Variants in PWP1 observed in about 807,000 individuals in gnomAD.
PWP1 encodes periodic tryptophan protein 1 homolog.
Under a neutral mutation model 69.9 loss-of-function variants are expected in PWP1, and 47 were observed. That is an observed-to-expected ratio of 0.67 (90% CI 0.53 to 0.86). PWP1 has a LOEUF of 0.86. PWP1 is among the 40% of genes least tolerant of loss of function. PWP1 has a pLI of 0.00. For missense variants in PWP1, 551 were observed against 608.8 expected (o/e 0.91, Z 1.00); for synonymous variants, 222 against 208.2 (o/e 1.07, Z -0.57).
chr12:107,693,493 A>G (rs1449140679), intron 5 of PWP1, among the ~76,000 whole-genome samples: 1 of 151,966 alleles, frequency 6.6e-6, no homozygotes, highest in East Asian at 1.9e-4. Flanking sequence ...GAGGTTTTTA[A>G]TCTTTTATTT....
chr12:107,710,350 G>C lies in PWP1; in HGVS notation c.1291-55G>C. The C allele has an allele frequency of 2.5e-6, 4 of 1,598,422 alleles. No individual in the cohort carries two copies. In the South Asian group the frequency reaches 4.5e-5, roughly 18 times the overall value. Reference sequence around the variant, plus strand: ...TCTTAGAGACAACAGTGAGGATCTAGATATTAGCGCTTTCTGAAGAGATTG... The same window carrying C: ...TCTTAGAGACAACAGTGAGGATCTACATATTAGCGCTTTCTGAAGAGATTG... On this transcript the variant is annotated intron_variant, in intron 13 of 14. Coordinates refer to ENST00000412830, the MANE Select transcript of PWP1 (RefSeq NM_007062.3).
rs576001495 is a variant in PWP1 at position 107,693,177 on chromosome 12, G to A, written c.502+81G>A. 2.9e-4 allele frequency: 431 copies of A among 1,502,318 alleles called. 2 individuals are homozygous for A. In the African/African-American group the frequency reaches 5.8e-3, roughly 20 times the overall value. 93.1% of individuals were successfully genotyped at this position (1,502,318 alleles called of 1,614,324 possible). A position where few individuals can be genotyped will look rare whatever the true frequency, so the allele number is the denominator to read the frequency against. On this transcript the variant is annotated intron_variant, in intron 5 of 14. Coordinates refer to ENST00000412830, the MANE Select transcript of PWP1 (RefSeq NM_007062.3). ...GAAATAGTTACCATTTCATTTTTAG[G>A]TGCCAGATCCTATTGTATCTCATTT...
intron 10 of PWP1, 47 bp from the exon 11 acceptor site, chr12:107,704,589 A>G: frequency 8.1e-7 from 1 of 1,240,426 alleles, no homozygotes; most frequent in Non-Finnish European, 1.2e-6. Context: ...TAAAACATAT[A>G]GGAGAATTGA....
Position 107,685,827 on chromosome 12 carries a change from T to G in PWP1, c.-73T>G. ...GGCCCTGTGCAGATCCCTGAGCGTG[T>G]GGCAGCAGTGCGGTCGTGGTCCCTC... On this transcript the variant is annotated 5_prime_UTR_variant, in exon 1 of 15. Transcript: ENST00000412830. The G allele has an allele frequency of 6.6e-7, 1 of 1,515,512 alleles. No homozygotes were observed. Among genetic ancestry groups the G allele is most frequent in the African/African-American group, 1.4e-5 (1 of 73,048 alleles). 93.9% of individuals were successfully genotyped at this position (1,515,512 alleles called of 1,614,324 possible). A position where few individuals can be genotyped will look rare whatever the true frequency, so the allele number is the denominator to read the frequency against.
intron 11 of PWP1, among the ~76,000 whole-genome samples, chr12:107,705,991 T>G (rs1889816052): frequency 6.6e-6 from 1 of 152,246 alleles, no homozygotes; most frequent in Admixed American, 6.5e-5. Flanking sequence ...TCCACAATGG[T>G]TGAACTAGTT....
At position 107,710,519 on chromosome 12, in the gene PWP1, T is replaced by G. The variant is rs1280335194; in HGVS notation, c.1396+9T>G. On this transcript the variant is annotated intron_variant, in intron 14 of 14. Transcript: ENST00000412830. Reference sequence around the variant, plus strand: ...AAGCACAGTCTCTTCAGGTAAGGATTTTTAGTTCTCTGCACACCTCCCCCT... The same window carrying G: ...AAGCACAGTCTCTTCAGGTAAGGATGTTTAGTTCTCTGCACACCTCCCCCT... 4 of 1,610,234 alleles carry G rather than the reference T, an allele frequency of 2.5e-6. No individual in the cohort carries two copies. The highest frequency in any genetic ancestry group is 3.4e-6 in the Non-Finnish European group (4 of 1,178,544).
Position 107,699,525 on chromosome 12 carries a change from G to A in PWP1, c.806+91G>A, listed in dbSNP as rs1446163206. On this transcript the variant is annotated intron_variant, in intron 8 of 14. Transcript: ENST00000412830. ...ACACTCATCTCTTTATTTGTGCTGT[G>A]GACCTTTGTGTCTATCTTCCTTTCT... 2.9e-6 allele frequency: 3 copies of A among 1,044,986 alleles called. No individual in the cohort carries two copies. The Admixed American group carries it at 6.4e-5, about 22-fold the overall frequency. The allele number at this position is 1,044,986 out of a possible 1,614,324, so 64.7% of individuals were successfully genotyped here.
At position 107,712,290 on chromosome 12, in the gene PWP1, C is replaced by T. The variant is rs969221432; in HGVS notation, c.*70C>T. 8 of 1,173,172 alleles carry T rather than the reference C, an allele frequency of 6.8e-6. No individual in the cohort carries two copies. Among genetic ancestry groups the T allele is most frequent in the Middle Eastern group, 1.9e-4 (1 of 5,184 alleles). 72.7% of individuals were successfully genotyped at this position (1,173,172 alleles called of 1,614,324 possible). A position where few individuals can be genotyped will look rare whatever the true frequency, so the allele number is the denominator to read the frequency against. ...AAAGTTGGCCTAAAAATGTTCCATG[C>T]GTGGCAGCAACCATGCAGAGTGACT... On this transcript the variant is annotated 3_prime_UTR_variant, in exon 15 of 15. Transcript: ENST00000412830.
intron 7 of PWP1, among the ~76,000 whole-genome samples, chr12:107,698,749 T>C (rs915178046): frequency 6.6e-6 from 1 of 152,116 alleles, no homozygotes; most frequent in Non-Finnish European, 1.5e-5. Context: ...TATGCTGCCA[T>C]GCCTGGCTAA....
chr12:107,698,499 A>C (rs549963855), intron 7 of PWP1, among the ~76,000 whole-genome samples: 11 of 152,132 alleles, frequency 7.2e-5, no homozygotes, highest in African/African-American at 2.6e-4. Context: ...CTGCACTCCA[A>C]CCTGGGTGAC....
chr12:107,701,991 C>A (rs1347615023), intron 8 of PWP1, among the ~76,000 whole-genome samples: 4 of 152,006 alleles, frequency 2.6e-5, no homozygotes, highest in African/African-American at 4.8e-5. Context: ...TTTGTTAAGA[C>A]TTTTTTCCCC....
At chr12:107,700,422 A>C (rs1223534375) in intron 8 of PWP1, among the ~76,000 whole-genome samples, 1 of 152,212 alleles carries the variant, frequency 6.6e-6, no homozygotes, top group Admixed American at 6.5e-5. Flanking sequence ...TCTCATATGA[A>C]TGGAATCATA....
Position 107,704,651 on chromosome 12 carries a change from T to C in PWP1, c.981T>C (p.Tyr327=). ...ATGTGTCTAGGTCAGTGGCTTTGTA[T>C]GACTGCCGAAGTCCAGATGAAAGCC... ...SGSYDKSVAL[Y]DCRSPDESHR... is the part of the protein sequence containing the mutation. Residue 327 remains tyrosine (Y), a synonymous_variant, in exon 11 of 15, where the codon TAT becomes TAC. Coordinates refer to ENST00000412830, the MANE Select transcript of PWP1 (RefSeq NM_007062.3). The C allele has an allele frequency of 6.2e-7, 1 of 1,613,984 alleles. No homozygotes were observed. The highest frequency in any genetic ancestry group is 8.5e-7 in the Non-Finnish European group (1 of 1,179,892).
intron 11 of PWP1, among the ~76,000 whole-genome samples, chr12:107,706,711 G>C (rs1889831532): frequency 6.6e-6 from 1 of 152,184 alleles, no homozygotes; most frequent in African/African-American, 2.4e-5. Flanking sequence ...GATGATTGTA[G>C]ATGTGTGGTA....
rs1889610447 is a variant in PWP1 at position 107,697,408 on chromosome 12, AT to A, written c.614-57del. ...GTTAATCTACAGTATAATGTATTTG[AT>A]TAGAAGTTCTGTATGTCTTTTTTTG... On this transcript the variant is annotated intron_variant, in intron 6 of 14. Transcript: ENST00000412830. The A allele has an allele frequency of 3.3e-6, 5 of 1,497,970 alleles. No homozygotes were observed. The South Asian group carries it at 6.8e-5, about 20-fold the overall frequency. The allele number at this position is 1,497,970 out of a possible 1,614,324, so 92.8% of individuals were successfully genotyped here.
At chr12:107,703,058 G>T (rs1357419903) in intron 9 of PWP1, 27 bp downstream of exon 9, 3 of 1,505,354 alleles carry the variant, frequency 2.0e-6, no homozygotes, top group Non-Finnish European at 2.8e-6. Context: ...GATCACAGCG[G>T]TTCTTAAAAA....
Position 107,712,357 on chromosome 12 carries a change from G to A in PWP1, c.*137G>A. The A allele has an allele frequency of 1.6e-6, 1 of 614,554 alleles. No homozygotes were observed. Among genetic ancestry groups the A allele is most frequent in the Non-Finnish European group, 2.9e-6 (1 of 348,768 alleles). The allele number at this position is 614,554 out of a possible 1,614,324, so 38.1% of individuals were successfully genotyped here. A position where few individuals can be genotyped will look rare whatever the true frequency, so the allele number is the denominator to read the frequency against. Reference sequence around the variant, plus strand: ...CTGACTGACATTCCTTTCTGCAACTGCGGTGGCACCACAAATATCCGGTCT... The same window carrying A: ...CTGACTGACATTCCTTTCTGCAACTACGGTGGCACCACAAATATCCGGTCT... On this transcript the variant is annotated 3_prime_UTR_variant, in exon 15 of 15. Coordinates refer to ENST00000412830, the MANE Select transcript of PWP1 (RefSeq NM_007062.3).
At chr12:107,686,047 G>T in intron 1 of PWP1, 76 bp downstream of exon 1, 2 of 1,532,408 alleles carry the variant, frequency 1.3e-6, no homozygotes, top group Non-Finnish European at 1.8e-6. Flanking sequence ...GGGGGAACGT[G>T]GACCCGGAAC....
At position 107,712,416 on chromosome 12, in the gene PWP1, G is replaced by C; in HGVS notation, c.*196G>C. The C allele has an allele frequency of 2.2e-6, 1 of 452,074 alleles. No homozygotes were observed. The highest frequency in any genetic ancestry group is 4.1e-4 in the Middle Eastern group (1 of 2,458). The allele number at this position is 452,074 out of a possible 1,614,324, so 28.0% of individuals were successfully genotyped here. A position where few individuals can be genotyped will look rare whatever the true frequency, so the allele number is the denominator to read the frequency against. On this transcript the variant is annotated 3_prime_UTR_variant, in exon 15 of 15. Coordinates refer to ENST00000412830, the MANE Select transcript of PWP1 (RefSeq NM_007062.3). ...GCTCTTCAGATGGATGGTTTGTAAG[G>C]CTCTTGTTGCATTTCTTAAAAAAGA...
Sources: gnomAD v4.1 joint callset for allele counts (sites outside exome capture counted in the v4.1 genomes callset) on GRCh38, gnomAD v4.1.1 for gene constraint, MANE v1.5 for transcripts, NCBI Gene and HGNC (gene_info 2026-07-23, HGNC 2026-07-21) for gene names.